Variants in SASH1 observed in about 807,000 individuals in gnomAD.
The protein encoded by SASH1 is SAM and SH3 domain containing 1.
SASH1 carries 44 observed loss-of-function variants against 125.2 expected under a neutral mutation model. The observed-to-expected ratio is 0.35, with a 90% CI of 0.28 to 0.45. SASH1 has a LOEUF of 0.45. SASH1 is among the 20% of genes least tolerant of loss of function. The pLI is 1.00. For missense variants in SASH1, 1,426 were observed against 1,614.5 expected (o/e 0.88, Z 2.00); for synonymous variants, 639 against 649.1 (o/e 0.98, Z 0.24).
At chr6:148,484,555 T>G (rs998388481) in intron 7 of SASH1, among the ~76,000 whole-genome samples, 4 of 113,014 alleles carry the variant, frequency 3.5e-5, no homozygotes, top group African/African-American at 7.4e-5. Flanking sequence ...ATTACATGGG[T>G]TTTTTTTTTT....
chr6:148,342,833 G>C (rs529579211), upstream of SASH1: 23 of 162,450 alleles, frequency 1.4e-4, no homozygotes, highest in South Asian at 2.2e-3. Flanking sequence ...TGCGCCGAGC[G>C]GGGTGGGAAA....
At chr6:148,429,757 AAAACAAAC>A (rs146456791) in intron 2 of SASH1, among the ~76,000 whole-genome samples, 2 of 151,626 alleles carry the variant, frequency 1.3e-5, no homozygotes, top group African/African-American at 2.4e-5. Context: ...AAAAAAAACA[AAAACAAAC>A]AAACAAACAA....
chr6:148,520,618 A>G (rs1780751847), intron 10 of SASH1, among the ~76,000 whole-genome samples: 1 of 152,124 alleles, frequency 6.6e-6, no homozygotes, highest in African/African-American at 2.4e-5. Context: ...CATTAAAATA[A>G]GCATTGAAGC....
At chr6:148,326,374 A>ATATATGCATATATATATATATATATATG (rs1384320272) in intron 1 of SASH1, among the ~76,000 whole-genome samples, 1 of 42,726 alleles carries the variant, frequency 2.3e-5, no homozygotes, top group Non-Finnish European at 4.7e-5. Flanking sequence ...ATATATATAT[A>ATATATGCATATATATATATATATATATG]CATTCTTTTC....
chr6:148,444,852 A>G (rs1470259245), intron 4 of SASH1, among the ~76,000 whole-genome samples: 1 of 152,230 alleles, frequency 6.6e-6, no homozygotes, highest in African/African-American at 2.4e-5. Context: ...TAGGCAGAGC[A>G]GTGGCATGGG....
intron 16 of SASH1, among the ~76,000 whole-genome samples, chr6:148,539,033 C>T (rs1355520760): frequency 6.6e-6 from 1 of 151,734 alleles, no homozygotes; most frequent in Non-Finnish European, 1.5e-5. Flanking sequence ...TGAAGGCCCT[C>T]GTGGCTTTCC....
chr6:148,537,828 GTGT>G (rs1781953069), intron 16 of SASH1, among the ~76,000 whole-genome samples: 1 of 140,302 alleles, frequency 7.1e-6, no homozygotes, highest in South Asian at 2.2e-4. Flanking sequence ...GTGTGTGTGT[GTGT>G]GGTTGGTGAG....
At chr6:148,449,447 G>A (rs1776986397) in intron 4 of SASH1, among the ~76,000 whole-genome samples, 1 of 147,360 alleles carries the variant, frequency 6.8e-6, no homozygotes, top group South Asian at 2.2e-4. Flanking sequence ...GAGTGCAATG[G>A]TGCAATCTCG....
intron 1 of SASH1, among the ~76,000 whole-genome samples, chr6:148,309,376 A>G (rs1780238491): frequency 6.6e-6 from 1 of 152,210 alleles, no homozygotes; most frequent in Admixed American, 6.5e-5. Context: ...TGAAGGTCAC[A>G]TGAAGGGCTT....
At chr6:148,429,447 G>C (rs1403463092) in intron 2 of SASH1, among the ~76,000 whole-genome samples, 1 of 143,412 alleles carries the variant, frequency 7.0e-6, no homozygotes, top group Non-Finnish European at 1.5e-5. Context: ...TATTGGCAAA[G>C]TGATCCAATT....
chr6:148,211,931 G>C, the SASH1 span, among the ~76,000 whole-genome samples: 2 of 152,160 alleles, frequency 1.3e-5, no homozygotes, highest in African/African-American at 4.8e-5. Flanking sequence ...CAGGAGTGCT[G>C]GCCTCAAGAG....
In SASH1 at chr6:148,427,640, C is replaced by T. The variant is rs768333035; in HGVS notation, c.286-12544C>T. On this transcript the variant is annotated intron_variant, in intron 2 of 19. Transcript: ENST00000367467. The stretch of plus-strand genomic sequence containing the variant: ...ACAGTTTAGACATTAAAGCAGTATA[C>T]GCCTTGTTTGACATGAGGTGTGGGA... Among the ~76,000 whole-genome samples, 86 of 152,254 alleles carry T rather than the reference C, an allele frequency of 5.6e-4. 1 individual carries two copies. Among genetic ancestry groups the T allele is most frequent in the African/African-American group, 1.3e-3 (54 of 41,538 alleles).
At chr6:148,449,078 C>CTTTTTCTTTTTTTTTTTTCT in intron 4 of SASH1, among the ~76,000 whole-genome samples, 4 of 88,706 alleles carry the variant, frequency 4.5e-5, no homozygotes, top group African/African-American at 1.3e-4. Context: ...CATTTCATTT[C>CTTTTTCTTTTTTTTTTTTCT]TTTTTTTTTT....
chr6:148,501,286 C>G (rs760361958), intron 8 of SASH1, among the ~76,000 whole-genome samples: 5 of 152,074 alleles, frequency 3.3e-5, no homozygotes, highest in Non-Finnish European at 5.9e-5. Flanking sequence ...GCCTAAGATG[C>G]CATAAAAGTA....
chr6:148,353,080 T>G (rs1400478772), intron 1 of SASH1, among the ~76,000 whole-genome samples: 1 of 152,126 alleles, frequency 6.6e-6, no homozygotes, highest in Non-Finnish European at 1.5e-5. Context: ...TTATTTTTTG[T>G]TTTTCAGAGG....
At chr6:148,305,157 T>A (rs1780091590) in intron 1 of SASH1, among the ~76,000 whole-genome samples, 1 of 152,270 alleles carries the variant, frequency 6.6e-6, no homozygotes, top group African/African-American at 2.4e-5. Flanking sequence ...CCAGAGTTTC[T>A]TTCTCATTAA....
At chr6:148,505,765 G>C (rs1219914854) in intron 8 of SASH1, among the ~76,000 whole-genome samples, 1 of 151,978 alleles carries the variant, frequency 6.6e-6, no homozygotes, top group Non-Finnish European at 1.5e-5. Flanking sequence ...AGCCCCCTGG[G>C]TAGCTGGGAT....
intron 10 of SASH1, chr6:148,520,104 G>A (rs1351607745): frequency 7.1e-6 from 4 of 559,780 alleles, no homozygotes; most frequent in African/African-American, 1.9e-5. Context: ...CCGGCAGAAA[G>A]GCAAAGGGGG....
At chr6:148,432,401 C>A (rs1246126280) in intron 2 of SASH1, among the ~76,000 whole-genome samples, 1 of 152,226 alleles carries the variant, frequency 6.6e-6, no homozygotes, top group African/African-American at 2.4e-5. Context: ...GATACCACAA[C>A]TCTACAGCCT....
Sources: gnomAD v4.1 joint callset for allele counts (sites outside exome capture counted in the v4.1 genomes callset) on GRCh38, gnomAD v4.1.1 for gene constraint, MANE v1.5 for transcripts, NCBI Gene and HGNC (gene_info 2026-07-23, HGNC 2026-07-21) for gene names.